EFNB2: variants seen among roughly 807,000 people sequenced by gnomAD.
EFNB2 encodes ephrin-B2.
In EFNB2, 5 loss-of-function variants were observed where a neutral mutation model predicts 32.1. That is an observed-to-expected ratio of 0.16 (90% confidence interval 0.08 to 0.33). The LOEUF is 0.33. Ranked by LOEUF, EFNB2 falls within the 10% of genes least tolerant of loss-of-function variation. The pLI, the probability that EFNB2 is intolerant of heterozygous loss-of-function variation, is 1.00. For missense variants in EFNB2, 263 were observed against 422.6 expected (o/e 0.62, Z 3.31); for synonymous variants, 168 against 166.5 (o/e 1.01, Z -0.07).
chr13:106,527,317 A>T (rs767185773), intron 1 of EFNB2, among the ~76,000 whole-genome samples: 4 of 151,980 alleles, frequency 2.6e-5, no homozygotes, highest in African/African-American at 9.7e-5. Flanking sequence ...TAATATAAAT[A>T]AATTAAGTAT....
chr13:106,505,247 T>G (rs976728894), intron 2 of EFNB2, among the ~76,000 whole-genome samples: 1 of 152,214 alleles, frequency 6.6e-6, no homozygotes, highest in African/African-American at 2.4e-5. Context: ...TACATATGTG[T>G]TATGTATGCA....
intron 1 of EFNB2, among the ~76,000 whole-genome samples, chr13:106,531,614 T>A (rs567857104): frequency 6.6e-6 from 1 of 152,242 alleles, no homozygotes; most frequent in African/African-American, 2.4e-5. Context: ...AACAGCACTA[T>A]CCATTGTAGT....
intron 1 of EFNB2, among the ~76,000 whole-genome samples, chr13:106,528,296 C>T (rs1477403342): frequency 2.6e-5 from 4 of 151,918 alleles, no homozygotes; most frequent in South Asian, 2.1e-4. Context: ...CCCATAGAAA[C>T]GAGAAAAACA....
intron 2 of EFNB2, among the ~76,000 whole-genome samples, chr13:106,499,651 T>C (rs1221803448): frequency 6.6e-6 from 1 of 152,136 alleles, no homozygotes; most frequent in Non-Finnish European, 1.5e-5. Context: ...CATTCAGAGA[T>C]AGAAAAAATA....
Position 106,495,099 on chromosome 13 carries a change from A to C in EFNB2, c.500-105T>G. The C allele has an allele frequency of 8.2e-6, 7 of 855,606 alleles. No homozygotes were observed. In the South Asian group the frequency reaches 1.0e-4, roughly 13 times the overall value. 53.0% of individuals were successfully genotyped at this position (855,606 alleles called of 1,614,324 possible). The stretch of plus-strand genomic sequence containing the variant: ...AGGCATGAATAGCAATGAACATAAG[A>C]GTCTTTATGCAAAGTACTGTGAAAT... On this transcript the variant is annotated intron_variant, in intron 3 of 4. Coordinates refer to ENST00000646441, the MANE Select transcript of EFNB2 (RefSeq NM_004093.4).
chr13:106,533,314 C>T (rs1879946613), intron 1 of EFNB2, among the ~76,000 whole-genome samples: 1 of 152,072 alleles, frequency 6.6e-6, no homozygotes, highest in Admixed American at 6.5e-5. Flanking sequence ...CGCTGCTGCG[C>T]GAGGTCCTAG....
At chr13:106,494,338 G>C (rs1279535348) in intron 4 of EFNB2, among the ~76,000 whole-genome samples, 1 of 152,140 alleles carries the variant, frequency 6.6e-6, no homozygotes, top group Non-Finnish European at 1.5e-5. Flanking sequence ...GTCAACGACG[G>C]ACAATTTTAT....
rs1204946296 is a variant in EFNB2, at chr13:106,489,771, T to C, written c.*3269A>G. ...TTTTCCATAGGAAAAAAATATTTTA[T>C]TTTTTTAAGAACAAATTCAGTTTGA... is the stretch of plus-strand genomic sequence containing the variant. On this transcript the variant is annotated 3_prime_UTR_variant, in exon 5 of 5. Transcript: ENST00000646441. The C allele has an allele frequency of 6.6e-6, 1 of 152,626 alleles. No homozygotes were observed. The highest frequency in any genetic ancestry group is 1.9e-4 in the East Asian group (1 of 5,198). The allele number at this position is 152,626 out of a possible 1,614,324, so 9.5% of individuals were successfully genotyped here. A position where few individuals can be genotyped will look rare whatever the true frequency, so the allele number is the denominator to read the frequency against.
At chr13:106,514,073 C>T (rs1456483767) in intron 1 of EFNB2, among the ~76,000 whole-genome samples, 1 of 152,074 alleles carries the variant, frequency 6.6e-6, no homozygotes, top group African/African-American at 2.4e-5. Flanking sequence ...TATTAAAAAC[C>T]CACACTCTTT....
chr13:106,524,978 T>C (rs1274581546), intron 1 of EFNB2, among the ~76,000 whole-genome samples: 1 of 152,186 alleles, frequency 6.6e-6, no homozygotes, highest in African/African-American at 2.4e-5. Flanking sequence ...GCTATAGTCT[T>C]TATTAACAGA....
At position 106,518,439 on chromosome 13, in the gene EFNB2, C is replaced by G. The variant is rs548840125; in HGVS notation, c.123-5627G>C. The stretch of plus-strand genomic sequence containing the variant: ...AGACAACAGAAAGTTTTAACCTACA[C>G]TACGAGCACATGCTTGTTTAAAACA... On this transcript the variant is annotated intron_variant, in intron 1 of 4. Transcript: ENST00000646441. The surrounding 1 kb of genome is among the most constrained non-coding windows in gnomAD (Gnocchi z 4.1). 6.6e-6 allele frequency: 1 copy of G among 152,324 alleles called. No individual in the cohort carries two copies. Among genetic ancestry groups the G allele is most frequent in the South Asian group, 2.1e-4 (1 of 4,832 alleles). 9.4% of individuals were successfully genotyped at this position (152,324 alleles called of 1,614,324 possible).
rs765313768 is a variant in EFNB2 at position 106,493,310 on chromosome 13, C to T, written c.732G>A (p.Thr244=). ...GCIIFIVIII[T]LVVLLLKYRR... Reference sequence around the variant, plus strand: ...GGTACTTCAGCAAGAGGACCACCAGCGTGATGATGATGACGATGAAGATGA... The same window carrying T: ...GGTACTTCAGCAAGAGGACCACCAGTGTGATGATGATGACGATGAAGATGA... The change falls in exon 5 of 5, where the codon ACG becomes ACA. Residue 244 remains threonine, a synonymous_variant. Transcript: ENST00000646441. The surrounding 1 kb of genome is among the most constrained non-coding windows in gnomAD (Gnocchi z 6.1). 2.6e-5 allele frequency: 42 copies of T among 1,614,026 alleles called. No homozygotes were observed. Among genetic ancestry groups the T allele is most frequent in the Middle Eastern group, 1.6e-4 (1 of 6,084 alleles).
In EFNB2 at chr13:106,535,065, G is replaced by C. The variant is rs1298189902; in HGVS notation, c.-101C>G. 4.4e-5 allele frequency: 66 copies of C among 1,501,472 alleles called. No individual in the cohort carries two copies. The highest frequency in any genetic ancestry group is 5.8e-5 in the Non-Finnish European group (65 of 1,123,512). The allele number at this position is 1,501,472 out of a possible 1,614,324, so 93.0% of individuals were successfully genotyped here. A position where few individuals can be genotyped will look rare whatever the true frequency, so the allele number is the denominator to read the frequency against. On this transcript the variant is annotated 5_prime_UTR_variant, in exon 1 of 5. Transcript: ENST00000646441. ...TCCGGGGCAGACTGGCGGGGAAGACGGCGTGCGCCCGCAGGCAGCTCCGAG... is the reference window on the plus strand; with the variant it reads ...TCCGGGGCAGACTGGCGGGGAAGACCGCGTGCGCCCGCAGGCAGCTCCGAG...
chr13:106,495,498 T>TCTATCTATCTATTATC (rs759156157), intron 3 of EFNB2, among the ~76,000 whole-genome samples: 1 of 144,820 alleles, frequency 6.9e-6, no homozygotes, highest in African/African-American at 2.9e-5. Flanking sequence ...TATCTATCTA[T>TCTATCTATCTATTATC]TATCTATCTA....
chr13:106,503,753 C>T (rs1878859704), intron 2 of EFNB2, among the ~76,000 whole-genome samples: 2 of 151,438 alleles, frequency 1.3e-5, no homozygotes, highest in Admixed American at 6.6e-5. Flanking sequence ...CCCAATAAAA[C>T]CCCATGTCTT....
At chr13:106,515,774 C>T (rs186564900) in intron 1 of EFNB2, among the ~76,000 whole-genome samples, 59 of 152,270 alleles carry the variant, frequency 3.9e-4, no homozygotes, top group African/African-American at 1.3e-3. Flanking sequence ...CTCTCCTGGC[C>T]ATGTTTTCAC....
intron 2 of EFNB2, among the ~76,000 whole-genome samples, chr13:106,507,454 C>T (rs993779576): frequency 2.0e-5 from 3 of 152,142 alleles, no homozygotes; most frequent in African/African-American, 4.8e-5. Flanking sequence ...ATATGCTTAA[C>T]ATAAGCAACA....
chr13:106,495,594 G>C (rs1878563928), intron 3 of EFNB2, among the ~76,000 whole-genome samples, 154 bp downstream of exon 3: 1 of 152,102 alleles, frequency 6.6e-6, no homozygotes, highest in African/African-American at 2.4e-5. Flanking sequence ...ACATTGACTT[G>C]AGGAAATCTG....
At chr13:106,515,440 C>T (rs183882708) in intron 1 of EFNB2, among the ~76,000 whole-genome samples, 3 of 152,144 alleles carry the variant, frequency 2.0e-5, no homozygotes, top group Admixed American at 6.6e-5. Flanking sequence ...ATATTAGATA[C>T]GCTTGTAAAA....
Sources: allele counts gnomAD v4.1 joint callset (sites outside exome capture counted in the v4.1 genomes callset), GRCh38; gene constraint gnomAD v4.1.1; non-coding constraint Gnocchi (gnomAD v3.1); transcripts MANE v1.5; gene names NCBI Gene and HGNC (gene_info 2026-07-23, HGNC 2026-07-21).